HNRNPR: variants seen among roughly 807,000 people sequenced by gnomAD.
HNRNPR encodes heterogeneous nuclear ribonucleoprotein R.
A neutral mutation model predicts 70.3 loss-of-function variants in HNRNPR; 4 were observed. That is an observed-to-expected ratio of 0.06 (90% CI 0.03 to 0.13). HNRNPR has a LOEUF of 0.13. Among genes scored for constraint, HNRNPR ranks in the 10% least tolerant of loss-of-function variants. The probability of loss-of-function intolerance (pLI) is 1.00; values close to 1 mark genes in which losing one functional copy is unlikely to be tolerated. For synonymous variants in HNRNPR, 241 were observed against 267.6 expected (o/e 0.90, Z 0.97); for missense variants, 423 against 788.5 (o/e 0.54, Z 5.55).
At chr1:23,333,488 G>T in intron 5 of HNRNPR, 30 bp downstream of exon 5, 1 of 1,392,668 alleles carries the variant, frequency 7.2e-7, no homozygotes, top group Non-Finnish European at 1.0e-6. Context: ...AAACTGGAAA[G>T]ATCTTGGTAA....
rs1484687372 is a variant in HNRNPR, at chr1:23,311,037, G to A, written c.1319C>T (p.Pro440Leu). The A allele has an allele frequency of 1.2e-6, 2 of 1,614,036 alleles. No individual in the cohort carries two copies. Among genetic ancestry groups the A allele is most frequent in the East Asian group, 2.2e-5 (1 of 44,898 alleles). Residue 440 changes from proline to leucine, a missense_variant, in exon 11 of 11, where the codon CCT becomes CTT. Pro to Leu is a moderately conservative substitution (Grantham distance 98). Coordinates refer to ENST00000302271, the MANE Select transcript of HNRNPR (RefSeq NM_005826.5). ...ACCTCTAATTGGAGGTGGCATGCGA[G>A]GAGGAGGGTGGTAGTAATAATCTTC... ...AYEDYYYHPP[P>L]RMPPPIRGRG...
At chr1:23,336,806 A>T (rs1646511761) in intron 4 of HNRNPR, among the ~76,000 whole-genome samples, 1 of 151,756 alleles carries the variant, frequency 6.6e-6, no homozygotes, top group Admixed American at 6.6e-5. Flanking sequence ...TCACTACAGC[A>T]AGACACGAGT....
At chr1:23,334,605 TATC>T (rs1389828076) in intron 4 of HNRNPR, among the ~76,000 whole-genome samples, 1 of 152,160 alleles carries the variant, frequency 6.6e-6, no homozygotes. Flanking sequence ...ACTCCTGCCA[TATC>T]ATAAGCTCCA....
chr1:23,341,852 T>A (rs1646714155), intron 1 of HNRNPR, among the ~76,000 whole-genome samples: 1 of 152,204 alleles, frequency 6.6e-6, no homozygotes, highest in African/African-American at 2.4e-5. Flanking sequence ...GCCAGATTTC[T>A]CAGATTAACC....
chr1:23,341,164 G>T, intron 1 of HNRNPR, 147 bp from the exon 2 acceptor site: 2 of 580,080 alleles, frequency 3.4e-6, no homozygotes, highest in East Asian at 3.1e-5. Flanking sequence ...TGATGTATCT[G>T]ACCTAAATTG....
In HNRNPR at chr1:23,336,116, C is replaced by CAAAAAAAAAAAAAAA. The variant is rs71020498; in HGVS notation, c.384+1623_384+1637dup. Among the ~76,000 whole-genome samples the CAAAAAAAAAAAAAAA allele has an allele frequency of 2.0e-4, 10 of 49,476 alleles. 1 individual carries two copies. The highest frequency in any genetic ancestry group is 3.2e-4 in the Non-Finnish European group (8 of 25,168). 32.5% of individuals were successfully genotyped at this position (49,476 alleles called of 152,430 possible). A position where few individuals can be genotyped will look rare whatever the true frequency, so the allele number is the denominator to read the frequency against. ...TGGGCGACAGAGCGAGACTCCGTCT[C>CAAAAAAAAAAAAAAA]AAAAAAAAAAAAAAAAGTCTATCAC... On this transcript the variant is annotated intron_variant, in intron 4 of 10. Transcript: ENST00000302271.
Position 23,311,254 on chromosome 1 carries a change from T to G in HNRNPR, c.1236A>C (p.Pro412=). ...EEIEIVLAKP[P]DKKRKERQAA... is the part of the protein sequence containing the mutation. The stretch of plus-strand genomic sequence containing the variant: ...CTTGGCGCTCTTTCCTTTTCTTGTC[T>G]GGTGGCTTGGCTAAGACTATTTCAA... Residue 412 remains proline, a synonymous_variant, in exon 10 of 11, where the codon CCA becomes CCC. Transcript: ENST00000302271. 6.2e-7 allele frequency: 1 copy of G among 1,613,480 alleles called. No individual in the cohort carries two copies. The highest frequency in any genetic ancestry group is 8.5e-7 in the Non-Finnish European group (1 of 1,179,704).
intron 3 of HNRNPR, 48 bp from the exon 4 acceptor site, chr1:23,337,909 AAGGG>A: frequency 7.2e-6 from 8 of 1,105,824 alleles, no homozygotes; most frequent in Non-Finnish European, 1.1e-5. Flanking sequence ...AAAATATCTG[AAGGG>A]TCAGATACAT....
chr1:23,316,754 T>C (rs1233833619), intron 8 of HNRNPR, among the ~76,000 whole-genome samples: 1 of 152,138 alleles, frequency 6.6e-6, no homozygotes, highest in Non-Finnish European at 1.5e-5. Flanking sequence ...CATAGTTGTA[T>C]TAGGAGAAGA....
rs767301377 is a variant in HNRNPR at position 23,323,542 on chromosome 1, T to TA, written c.675+13dup. On this transcript the variant is annotated intron_variant, in intron 6 of 10. Coordinates refer to ENST00000302271, the MANE Select transcript of HNRNPR (RefSeq NM_005826.5). ...AATAGTGACTTGCTAAGACAGTGGA[T>TA]AATTATCACATACCAGTTTCACGGC... 1 of 1,606,644 alleles carries TA rather than the reference T, an allele frequency of 6.2e-7. No individual in the cohort carries two copies. Among genetic ancestry groups the TA allele is most frequent in the Admixed American group, 1.7e-5 (1 of 59,270 alleles).
chr1:23,328,147 T>C (rs541501066), intron 5 of HNRNPR, among the ~76,000 whole-genome samples: 1 of 152,176 alleles, frequency 6.6e-6, no homozygotes, highest in African/African-American at 2.4e-5. Flanking sequence ...AGAATGAAAG[T>C]GACAGTGGTG....
rs924811115 is a variant in HNRNPR at position 23,310,661 on chromosome 1, A to C, written c.1695T>G (p.Arg565=). ...TTCTCTTGCCTCCTACATTGCCCCCACGATTGCCCCGAGATCCACGGGAAC... is the reference window on the plus strand; with the variant it reads ...TTCTCTTGCCTCCTACATTGCCCCCCCGATTGCCCCGAGATCCACGGGAAC... ...GRGSRGSRGN[R]GGNVGGKRKA... The change falls in exon 11 of 11, where the codon CGT becomes CGG. Residue 565 remains arginine, a synonymous_variant. Transcript: ENST00000302271. The surrounding 1 kb of genome is among the most constrained non-coding windows in gnomAD (Gnocchi z 6.0). 1 of 1,612,192 alleles carries C rather than the reference A, an allele frequency of 6.2e-7. No individual in the cohort carries two copies. The highest frequency in any genetic ancestry group is 1.3e-5 in the African/African-American group (1 of 74,386).
chr1:23,319,147 C>T (rs943623496), intron 7 of HNRNPR, among the ~76,000 whole-genome samples: 4 of 152,206 alleles, frequency 2.6e-5, no homozygotes, highest in African/African-American at 9.6e-5. Flanking sequence ...TTCCTCTGGT[C>T]TTAGTCCTTT....
At chr1:23,330,994 T>C (rs1646197698) in intron 5 of HNRNPR, among the ~76,000 whole-genome samples, 2 of 152,362 alleles carry the variant, frequency 1.3e-5, no homozygotes, top group Admixed American at 1.3e-4. Flanking sequence ...TTCAAAACTT[T>C]GTCAACAAGT....
In HNRNPR at chr1:23,318,717, C is replaced by A. The variant is rs1288822675; in HGVS notation, c.812-29G>T. ...TTAAACCAACAGCCAGATATATAAG[C>A]CAAAAGCATCCACCACACATCTAGC... On this transcript the variant is annotated intron_variant, in intron 7 of 10. Transcript: ENST00000302271. The surrounding 1 kb of genome is among the most constrained non-coding windows in gnomAD (Gnocchi z 4.2). 6.2e-7 allele frequency: 1 copy of A among 1,607,784 alleles called. No individual in the cohort carries two copies. Among genetic ancestry groups the A allele is most frequent in the African/African-American group, 1.3e-5 (1 of 74,810 alleles).
chr1:23,336,132 A>AG (rs1557927576), intron 4 of HNRNPR, among the ~76,000 whole-genome samples: 2 of 144,446 alleles, frequency 1.4e-5, no homozygotes, highest in South Asian at 2.2e-4. Context: ...AAAAAAAAAA[A>AG]GTCTATCACA....
intron 3 of HNRNPR, 48 bp from the exon 4 acceptor site, chr1:23,337,909 A>C: frequency 9.0e-7 from 1 of 1,105,874 alleles, no homozygotes; most frequent in Non-Finnish European, 1.4e-6. Flanking sequence ...AAAATATCTG[A>C]AGGGTCAGAT....
At chr1:23,319,171 C>T (rs1478815580) in intron 7 of HNRNPR, among the ~76,000 whole-genome samples, 2 of 152,130 alleles carry the variant, frequency 1.3e-5, no homozygotes, top group East Asian at 1.9e-4. Flanking sequence ...CTTATCTCTC[C>T]GTATGTGTTC....
chr1:23,338,551 T>C lies in HNRNPR; in HGVS notation c.215A>G (p.Asn72Ser). 1 of 1,602,256 alleles carries C rather than the reference T, an allele frequency of 6.2e-7. No individual in the cohort carries two copies. Among genetic ancestry groups the C allele is most frequent in the East Asian group, 2.3e-5 (1 of 44,124 alleles). ...ERAIDALREF[N>S]EEGALSVLQQ... ...TAGTACAGACAGAGCTCCTTCTTCA[T>C]TAAATTCCCTGAGAGCATCAATTGC... is the stretch of plus-strand genomic sequence containing the variant. The change falls in exon 3 of 11, where the codon AAT becomes AGT. Residue 72 changes from asparagine to serine, a missense_variant. By Grantham distance (46) the Asn-to-Ser change is conservative. Coordinates refer to ENST00000302271, the MANE Select transcript of HNRNPR (RefSeq NM_005826.5).
Sources: allele counts gnomAD v4.1 joint callset (sites outside exome capture counted in the v4.1 genomes callset), GRCh38; gene constraint gnomAD v4.1.1; non-coding constraint Gnocchi (gnomAD v3.1); transcripts MANE v1.5; gene names NCBI Gene and HGNC (gene_info 2026-07-23, HGNC 2026-07-21).